Variants in GLG1 observed in about 807,000 individuals in gnomAD.
GLG1 encodes golgi glycoprotein 1, also known as Golgi apparatus protein 1.
GLG1 carries 38 observed loss-of-function variants against 160.5 expected under a neutral mutation model. The ratio of observed to expected loss-of-function variants is 0.24; its 90% CI spans 0.18 to 0.31. The LOEUF (loss-of-function observed/expected upper bound fraction) is 0.31, where lower values mean the gene tolerates loss of function less well. Ranked by LOEUF, GLG1 falls within the 10% of genes least tolerant of loss-of-function variation. The probability of loss-of-function intolerance (pLI) is 1.00; values close to 1 mark genes in which losing one functional copy is unlikely to be tolerated. For missense variants in GLG1, 1,373 were observed against 1,505.2 expected, an observed-to-expected ratio of 0.91 and a Z score of 1.45; for synonymous variants, 644 against 543.4, an observed-to-expected ratio of 1.19 and a Z score of -2.57.
chr16:74,502,836 T>C (rs1419864935), intron 4 of GLG1, among the ~76,000 whole-genome samples: 3 of 149,800 alleles, frequency 2.0e-5, no homozygotes, highest in Non-Finnish European at 4.4e-5. Flanking sequence ...TCCCAAAGTG[T>C]TGGGATTACA....
chr16:74,466,564 G>C (rs1450009383), intron 18 of GLG1, among the ~76,000 whole-genome samples: 1 of 152,124 alleles, frequency 6.6e-6, no homozygotes, highest in African/African-American at 2.4e-5. Context: ...TCATAAGAAA[G>C]ATGATAAATA....
intron 25 of GLG1, among the ~76,000 whole-genome samples, chr16:74,455,979 T>C (rs1390662939): frequency 6.6e-6 from 1 of 152,204 alleles, no homozygotes; most frequent in East Asian, 1.9e-4. Flanking sequence ...AAATTACCCC[T>C]AGCCCAAGTC....
At chr16:74,499,584 T>C (rs1312705009) in intron 4 of GLG1, among the ~76,000 whole-genome samples, 1 of 152,256 alleles carries the variant, frequency 6.6e-6, no homozygotes. Context: ...GGCTATACTC[T>C]ATGATACTCA....
Position 74,490,931 on chromosome 16 carries a change from A to T in GLG1, c.1449+70T>A, listed in dbSNP as rs995852967. 10 of 1,047,812 alleles carry T rather than the reference A, an allele frequency of 9.5e-6. No homozygotes were observed. In the Admixed American group the frequency reaches 1.0e-4, roughly 11 times the overall value. The allele number at this position is 1,047,812 out of a possible 1,614,324, so 64.9% of individuals were successfully genotyped here. ...GATGATCCATATAAAGCAAGGTGGG[A>T]CAGCATCAGGAAGAGGCTCTTCAGC... On this transcript the variant is annotated intron_variant, in intron 8 of 25. Coordinates refer to ENST00000422840, the MANE Select transcript of GLG1 (RefSeq NM_001145667.2).
At chr16:74,604,743 C>T (rs368418956) in intron 1 of GLG1, among the ~76,000 whole-genome samples, 4 of 152,180 alleles carry the variant, frequency 2.6e-5, no homozygotes, top group South Asian at 4.1e-4. Context: ...AATTTCCTTT[C>T]GCTGTCTTTA....
intron 8 of GLG1, among the ~76,000 whole-genome samples, chr16:74,488,657 T>C (rs2015875039): frequency 6.6e-6 from 1 of 152,158 alleles, no homozygotes; most frequent in South Asian, 2.1e-4. Context: ...TCTTGCTCTA[T>C]TGCCCAGGCT....
intron 1 of GLG1, among the ~76,000 whole-genome samples, chr16:74,576,338 A>C (rs1432677067): frequency 6.6e-6 from 1 of 152,256 alleles, no homozygotes; most frequent in Non-Finnish European, 1.5e-5. Context: ...TATAAAGAGA[A>C]TACAGCCAAA....
At chr16:74,597,996 T>C (rs759325267) in intron 1 of GLG1, among the ~76,000 whole-genome samples, 3 of 151,686 alleles carry the variant, frequency 2.0e-5, no homozygotes, top group Non-Finnish European at 2.9e-5. Flanking sequence ...AGCCTGGGCG[T>C]CAAGAGCAAG....
At chr16:74,556,299 TATTG>T (rs1306336761) in intron 1 of GLG1, among the ~76,000 whole-genome samples, 2 of 152,186 alleles carry the variant, frequency 1.3e-5, no homozygotes, top group East Asian at 3.8e-4. Flanking sequence ...AGTAAGTAGC[TATTG>T]ATTATCTTAC....
intron 2 of GLG1, among the ~76,000 whole-genome samples, chr16:74,528,768 C>T (rs555007030): frequency 1.2e-4 from 16 of 132,412 alleles, no homozygotes; most frequent in African/African-American, 4.3e-4. Flanking sequence ...GCCGAGATCA[C>T]ACCATTGCAC....
intron 1 of GLG1, among the ~76,000 whole-genome samples, chr16:74,567,021 A>G (rs1040906388): frequency 6.6e-6 from 1 of 152,228 alleles, no homozygotes; most frequent in Admixed American, 6.5e-5. Context: ...ATAGGAAGCT[A>G]AGAAAAAGAA....
chr16:74,501,019 G>A (rs2016384927), intron 4 of GLG1, among the ~76,000 whole-genome samples: 2 of 152,212 alleles, frequency 1.3e-5, no homozygotes, highest in Non-Finnish European at 2.9e-5. Context: ...AGGAGGCCAA[G>A]TCAAAGCCAG....
chr16:74,511,244 A>G (rs1460080491), intron 2 of GLG1, among the ~76,000 whole-genome samples: 1 of 152,122 alleles, frequency 6.6e-6, no homozygotes, highest in Non-Finnish European at 1.5e-5. Context: ...TTAATTCTGT[A>G]TGAGTGCTGA....
rs142326652 is a variant in GLG1, at chr16:74,492,810, G to A, written c.1234+147C>T. ...CTCCAGCCTGGGCGACAGAGCGAGA[G>A]ACTCCGTCTCAAGAAAAAAAAAAAA... On this transcript the variant is annotated intron_variant, in intron 7 of 25. Coordinates refer to ENST00000422840, the MANE Select transcript of GLG1 (RefSeq NM_001145667.2). The A allele has an allele frequency of 7.2e-4, 350 of 485,020 alleles. 4 individuals carry two copies. In the East Asian group the frequency reaches 0.01, roughly 14 times the overall value. 30.0% of individuals were successfully genotyped at this position (485,020 alleles called of 1,614,324 possible). A position where few individuals can be genotyped will look rare whatever the true frequency, so the allele number is the denominator to read the frequency against.
intron 2 of GLG1, among the ~76,000 whole-genome samples, chr16:74,521,014 T>C (rs982995527): frequency 9.9e-5 from 15 of 152,056 alleles, no homozygotes; most frequent in African/African-American, 2.7e-4. Context: ...GCAAGGTGAA[T>C]TGAAAGTAGG....
chr16:74,477,668 T>C, intron 11 of GLG1, 135 bp from the exon 12 acceptor site: 1 of 664,748 alleles, frequency 1.5e-6, no homozygotes, highest in South Asian at 1.9e-5. Context: ...TCAAATATCT[T>C]CCAGAATAAA....
intron 2 of GLG1, 60 bp downstream of exon 2, chr16:74,532,061 C>G (rs1567507324): frequency 2.9e-6 from 2 of 689,032 alleles, no homozygotes; most frequent in African/African-American, 3.7e-5. Flanking sequence ...AAGAGCATCC[C>G]GAAATCTGTC....
chr16:74,462,502 T>C lies in GLG1; in HGVS notation c.2920A>G (p.Arg974Gly), dbSNP rs1254261711. ...EGQVISCLKL[R>G]YADQRLSSDC... The stretch of plus-strand genomic sequence containing the variant: ...GGCCAGTTTACCTGGTCAGCATATC[T>C]CAGCTTCAGGCAAGAGATGACTTGT... Residue 974 changes from arginine to glycine, a missense_variant, in exon 21 of 26, where the codon AGA becomes GGA. By Grantham distance (125) the Arg-to-Gly change is moderately radical. Transcript: ENST00000422840. 6.2e-7 allele frequency: 1 copy of C among 1,613,882 alleles called. No individual in the cohort carries two copies. The highest frequency in any genetic ancestry group is 1.7e-5 in the Admixed American group (1 of 60,022).
intron 1 of GLG1, among the ~76,000 whole-genome samples, chr16:74,541,192 C>T (rs1408002654): frequency 4.0e-5 from 6 of 151,876 alleles, no homozygotes; most frequent in South Asian, 2.1e-4. Context: ...GGCGTGGTGG[C>T]GCATGCCTGT....
Sources: gnomAD v4.1 joint callset for allele counts (sites outside exome capture counted in the v4.1 genomes callset) on GRCh38, gnomAD v4.1.1 for gene constraint, MANE v1.5 for transcripts, NCBI Gene and HGNC (gene_info 2026-07-23, HGNC 2026-07-21) for gene names.